The following WDR20 variants were observed in gnomAD, a reference collection of about 807,000 sequenced individuals.
WDR20 encodes WD repeat domain 20.
A neutral mutation model predicts 38.7 loss-of-function variants in WDR20; 3 were observed. The observed-to-expected ratio is 0.08, with a 90% CI of 0.04 to 0.20. The LOEUF is 0.20. WDR20 is among the 10% of genes least tolerant of loss of function. The pLI is 1.00. For synonymous variants in WDR20, 298 were observed against 285.6 expected (o/e 1.04, Z -0.44); for missense variants, 559 against 727.7 (o/e 0.77, Z 2.67).
downstream of WDR20, chr14:102,215,145 T>C (rs2063061361): frequency 3.6e-6 from 1 of 277,360 alleles, no homozygotes; most frequent in African/African-American, 2.3e-5. Flanking sequence ...AATTGCTCCC[T>C]CTTACTAAAG....
downstream of WDR20, chr14:102,212,376 G>T (rs1034448883): frequency 6.8e-5 from 61 of 892,992 alleles, no homozygotes; most frequent in African/African-American, 9.8e-4. Flanking sequence ...GGGCCCAGTG[G>T]AGAGCACTGT....
intron 1 of WDR20, among the ~76,000 whole-genome samples, chr14:102,147,240 C>T (rs957192956): frequency 2.6e-5 from 4 of 152,096 alleles, no homozygotes; most frequent in African/African-American, 9.7e-5. Context: ...ACTAAAAATA[C>T]AAAAATTAGC....
At chr14:102,141,000 CCTT>C (rs1362392782) in intron 1 of WDR20, among the ~76,000 whole-genome samples, 3 of 152,258 alleles carry the variant, frequency 2.0e-5, no homozygotes, top group East Asian at 3.9e-4. Flanking sequence ...AAGGGACCAT[CCTT>C]CTTGGCGGGC....
chr14:102,219,593 G>A (rs1043036087), downstream of WDR20, among the ~76,000 whole-genome samples: 3 of 152,226 alleles, frequency 2.0e-5, no homozygotes, highest in Non-Finnish European at 2.9e-5. Flanking sequence ...AGAGACCACC[G>A]TTTTCCCCTT....
downstream of WDR20, among the ~76,000 whole-genome samples, chr14:102,219,910 G>T (rs1567104516): frequency 6.6e-6 from 1 of 152,378 alleles, no homozygotes; most frequent in East Asian, 1.9e-4. Context: ...GCCCAGTGGA[G>T]AGTGGGACAG....
chr14:102,148,669 T>TTGTGTGTGTGTGTGTGTG (rs10525828), intron 1 of WDR20, among the ~76,000 whole-genome samples: 4 of 144,942 alleles, frequency 2.8e-5, no homozygotes, highest in African/African-American at 1.0e-4. Context: ...GAGTTTGGCT[T>TTGTGTGTGTGTGTGTGTG]TGTGTGTGTG....
rs34653819 is a variant in WDR20 at position 102,178,391 on chromosome 14, CAA to C, written c.250-16532_250-16531del. Among the ~76,000 whole-genome samples, 380 of 143,084 alleles carry C rather than the reference CAA, an allele frequency of 2.7e-3. 1 individual carries two copies. Among genetic ancestry groups the C allele is most frequent in the African/African-American group, 3.2e-3 (126 of 38,942 alleles). The allele number at this position is 143,084 out of a possible 152,430, so 93.9% of individuals were successfully genotyped here. A position where few individuals can be genotyped will look rare whatever the true frequency, so the allele number is the denominator to read the frequency against. ...TGGGCTACAGAGTGCGACTCTGTCT[CAA>C]AAAAAAAAAAAAAATTGTTTGGCGT... On this transcript the variant is annotated intron_variant, in intron 1 of 2. Transcript: ENST00000342702.
chr14:102,209,214 A>G lies in WDR20; in HGVS notation c.1044A>G (p.Thr348=). The part of the protein sequence containing the change: ...LHFGRDRANS[T]QSRLSKRNST... The stretch of plus-strand genomic sequence containing the variant: ...TTGGCAGAGATCGAGCAAATAGTAC[A>G]CAGTCCAGGCTCTCCAAACGGAACT... Residue 348 remains threonine (T), a synonymous_variant, in exon 3 of 3, where the codon ACA becomes ACG. Coordinates refer to ENST00000342702, the MANE Select transcript of WDR20 (RefSeq NM_144574.4). The surrounding 1 kb of genome is among the most constrained non-coding windows in gnomAD (Gnocchi z 6.0). 1 of 1,614,154 alleles carries G rather than the reference A, an allele frequency of 6.2e-7. No individual in the cohort carries two copies. The highest frequency in any genetic ancestry group is 8.5e-7 in the Non-Finnish European group (1 of 1,180,032).
At chr14:102,213,919 A>G (rs1278326900), downstream of WDR20, 1 of 985,356 alleles carries the variant, frequency 1.0e-6, no homozygotes, top group East Asian at 1.1e-4. Flanking sequence ...CGGAAGAACT[A>G]GAAGCAGTTC....
intron 1 of WDR20, among the ~76,000 whole-genome samples, chr14:102,158,760 G>A (rs2058009626): frequency 6.6e-6 from 1 of 151,994 alleles, no homozygotes; most frequent in African/African-American, 2.4e-5. Context: ...GTCTGTACCG[G>A]ATGCCTTCCC....
At chr14:102,217,343 G>A (rs990973682), downstream of WDR20, among the ~76,000 whole-genome samples, 5 of 152,184 alleles carry the variant, frequency 3.3e-5, no homozygotes, top group Non-Finnish European at 5.9e-5. Flanking sequence ...CCTTCAGATC[G>A]CAGCGGAGCC....
downstream of WDR20, among the ~76,000 whole-genome samples, chr14:102,211,275 G>T (rs933487810): frequency 6.6e-6 from 1 of 152,162 alleles, no homozygotes; most frequent in Non-Finnish European, 1.5e-5. This position sits in a 1 kb window ranked among gnomAD's most constrained non-coding sequence, Gnocchi z 4.2. Flanking sequence ...ACCAGTTTGC[G>T]TAGTGAATAT....
chr14:102,156,169 A>T (rs2057330615), intron 1 of WDR20, among the ~76,000 whole-genome samples: 1 of 148,920 alleles, frequency 6.7e-6, no homozygotes, highest in African/African-American at 2.5e-5. Context: ...TTACCATTAG[A>T]TCTTTTTTTT....
intron 2 of WDR20, among the ~76,000 whole-genome samples, chr14:102,200,556 A>G (rs1014741457): frequency 2.6e-5 from 4 of 151,384 alleles, no homozygotes; most frequent in African/African-American, 4.9e-5. Context: ...TAATGGTTAT[A>G]TATTTGGGGA....
intron 1 of WDR20, among the ~76,000 whole-genome samples, chr14:102,172,114 G>A (rs537905343): frequency 1.4e-3 from 216 of 151,380 alleles, no homozygotes; most frequent in Admixed American, 3.2e-3. Flanking sequence ...GACTCTTAAC[G>A]AGCATGCTGC....
intron 1 of WDR20, among the ~76,000 whole-genome samples, chr14:102,145,235 T>C (rs1480351713): frequency 6.6e-6 from 1 of 152,208 alleles, no homozygotes; most frequent in Non-Finnish European, 1.5e-5. Flanking sequence ...CTTTAGAAGA[T>C]GAAAAACCTA....
intron 1 of WDR20, among the ~76,000 whole-genome samples, chr14:102,142,618 T>TG (rs1566766871): frequency 6.8e-6 from 1 of 146,202 alleles, no homozygotes; most frequent in Non-Finnish European, 1.5e-5. Flanking sequence ...CCTGGCTAAT[T>TG]AAAAAAAAAA....
At chr14:102,189,558 C>G (rs559603610) in intron 1 of WDR20, among the ~76,000 whole-genome samples, 1 of 152,090 alleles carries the variant, frequency 6.6e-6, no homozygotes, top group Admixed American at 6.6e-5. Context: ...ACCAAATACC[C>G]GATTCTTAAA....
chr14:102,186,455 G>A (rs922521505), intron 1 of WDR20, among the ~76,000 whole-genome samples: 2 of 152,086 alleles, frequency 1.3e-5, no homozygotes, highest in African/African-American at 4.8e-5. Flanking sequence ...AGAAAATTTT[G>A]GTTACATAGT....
Sources: allele counts gnomAD v4.1 joint callset (sites outside exome capture counted in the v4.1 genomes callset), GRCh38; gene constraint gnomAD v4.1.1; non-coding constraint Gnocchi (gnomAD v3.1); transcripts MANE v1.5; gene names NCBI Gene and HGNC (gene_info 2026-07-23, HGNC 2026-07-21).